Variants in PTPRS observed in about 807,000 individuals in gnomAD.
PTPRS encodes receptor-type tyrosine-protein phosphatase S.
Under a neutral mutation model 215.3 loss-of-function variants are expected in PTPRS, and 63 were observed. The ratio of observed to expected loss-of-function variants is 0.29; its 90% CI spans 0.24 to 0.36. The LOEUF (loss-of-function observed/expected upper bound fraction) is 0.36, where lower values mean the gene tolerates loss of function less well. PTPRS is among the 10% of genes least tolerant of loss of function. PTPRS has a pLI of 1.00. For synonymous variants in PTPRS, 1,404 were observed against 1,191.4 expected (o/e 1.18, Z -3.68); for missense variants, 2,258 against 2,825.8 (o/e 0.80, Z 4.56).
At chr19:5,261,578 A>G (rs962180288) in intron 6 of PTPRS, among the ~76,000 whole-genome samples, 7 of 152,158 alleles carry the variant, frequency 4.6e-5, no homozygotes, top group South Asian at 4.1e-4. Context: ...CGATAACTTG[A>G]TAACTCGGCT....
intron 30 of PTPRS, among the ~76,000 whole-genome samples, chr19:5,213,239 C>G (rs1029621187): frequency 6.6e-6 from 1 of 152,202 alleles, no homozygotes; most frequent in Non-Finnish European, 1.5e-5. Context: ...TCTGTCCTCC[C>G]TGCAGCAGCC....
rs1356407320 is a variant in PTPRS at position 5,223,076 on chromosome 19, CA to C, written c.2715del (p.Ala906ArgfsTer16). 6.4e-7 allele frequency: 1 copy of C among 1,556,534 alleles called. No homozygotes were observed. The highest frequency in any genetic ancestry group is 8.7e-7 in the Non-Finnish European group (1 of 1,151,134). The stretch of plus-strand genomic sequence containing the variant: ...CCCAGGCCGCCGCGGCTCCGGGCCG[CA>C]AGCCGGAACACATACGTGGCCCCCT... ...VHKGATYVFR[L>X]AARSRGGLGE... On this transcript the variant is annotated frameshift_variant, in exon 18 of 38. Coordinates refer to ENST00000262963, the MANE Select transcript of PTPRS (RefSeq NM_002850.4). LOFTEE classifies it high-confidence loss of function.
intron 1 of PTPRS, among the ~76,000 whole-genome samples, chr19:5,331,951 G>T (rs1169777982): frequency 6.6e-6 from 1 of 152,158 alleles, no homozygotes; most frequent in Non-Finnish European, 1.5e-5. Context: ...CGCAGAGGTG[G>T]CTGGGAGTCT....
chr19:5,248,821 A>G (rs72981098), intron 9 of PTPRS, among the ~76,000 whole-genome samples: 10,694 of 152,240 alleles, frequency 0.07, 548 homozygotes, highest in Middle Eastern at 0.13. Context: ...ATCCTCCTGG[A>G]GCCTCAGTTT....
At chr19:5,247,280 G>A (rs532685449) in intron 9 of PTPRS, among the ~76,000 whole-genome samples, 13 of 152,066 alleles carry the variant, frequency 8.5e-5, no homozygotes, top group Admixed American at 3.9e-4. Flanking sequence ...TGTTCTGTGC[G>A]TTTCTTAGCG....
At chr19:5,331,429 G>A (rs769820884) in intron 1 of PTPRS, among the ~76,000 whole-genome samples, 5 of 152,094 alleles carry the variant, frequency 3.3e-5, no homozygotes, top group Non-Finnish European at 7.4e-5. Flanking sequence ...CACCATGCCT[G>A]GCAAAATCAG....
intron 32 of PTPRS, 84 bp downstream of exon 32, chr19:5,211,881 C>T (rs564495318): frequency 1.3e-6 from 2 of 1,563,164 alleles, no homozygotes; most frequent in African/African-American, 1.3e-5. Flanking sequence ...ACCTTCTAGT[C>T]CCCATTGCTC....
rs1003437214 is a variant in PTPRS, at chr19:5,219,362, G to A, written c.3871C>T (p.Leu1291=). The stretch of plus-strand genomic sequence containing the variant: ...ATGCAGATTATGAAGACCACGGCCA[G>A]CACAGGCCCGATCACCCAGATAAGC... The part of the protein sequence containing the change: ...EGLIWVIGPV[L]AVVFIICIVI... The change falls in exon 23 of 38, where the codon CTG becomes TTG. Residue 1291 remains leucine (L), a synonymous_variant. Coordinates refer to ENST00000262963, the MANE Select transcript of PTPRS (RefSeq NM_002850.4). The A allele has an allele frequency of 6.2e-7, 1 of 1,613,976 alleles. No individual in the cohort carries two copies. The highest frequency in any genetic ancestry group is 1.1e-5 in the South Asian group (1 of 91,080).
intron 5 of PTPRS, 78 bp downstream of exon 5, chr19:5,264,930 G>GA (rs1368109527): frequency 1.1e-5 from 16 of 1,510,748 alleles, no homozygotes; most frequent in African/African-American, 1.4e-5. Context: ...GTAGTCCCCA[G>GA]AACTTGGGCC....
Position 5,244,467 on chromosome 19 carries a change from G to A in PTPRS, c.1004C>T (p.Pro335Leu). The change falls in exon 11 of 38, where the codon CCC (proline) becomes CTC (leucine). Residue 335 changes from proline (P) to leucine (L), a missense_variant. This residue lies in a region of PTPRS where 508 missense variants were observed against 799.4 expected (regional missense o/e 0.64). Coordinates refer to ENST00000262963, the MANE Select transcript of PTPRS (RefSeq NM_002850.4). This position sits in a 1 kb window ranked among gnomAD's most constrained non-coding sequence, Gnocchi z 7.2. The part of the protein sequence containing the change: ...QITVKSLPKA[P>L]GTPMVTENTA... ...GTTCTCAGTCACCATGGGAGTCCCG[G>A]GAGCTTTGGGGAGAGCTGTGGGCAG... The A allele has an allele frequency of 6.2e-7, 1 of 1,613,600 alleles. No homozygotes were observed. Among genetic ancestry groups the A allele is most frequent in the Non-Finnish European group, 8.5e-7 (1 of 1,179,682 alleles).
intron 25 of PTPRS, 120 bp from the exon 26 acceptor site, chr19:5,216,887 G>GA (rs974735644): frequency 2.6e-5 from 17 of 663,858 alleles, no homozygotes; most frequent in African/African-American, 2.4e-4. Flanking sequence ...GCGGACAACG[G>GA]GGGGTATGTA....
At chr19:5,222,642 G>GGGGGGGC in intron 18 of PTPRS, 47 bp downstream of exon 18, 7 of 1,369,330 alleles carry the variant, frequency 5.1e-6, no homozygotes, top group South Asian at 1.4e-5. Flanking sequence ...GTGGGGGTGG[G>GGGGGGGC]CGCAAGGCCC....
At chr19:5,288,621 G>C (rs913379331) in intron 1 of PTPRS, among the ~76,000 whole-genome samples, 3 of 152,204 alleles carry the variant, frequency 2.0e-5, no homozygotes, top group Non-Finnish European at 4.4e-5. Flanking sequence ...CTGAGGGGGC[G>C]AGGTCAGTCC....
At chr19:5,297,106 C>T (rs1488704636) in intron 1 of PTPRS, among the ~76,000 whole-genome samples, 2 of 152,154 alleles carry the variant, frequency 1.3e-5, no homozygotes, top group East Asian at 1.9e-4. Context: ...CCGCCTACTC[C>T]GTGCCCTTGG....
chr19:5,254,167 T>C (rs1406722194), intron 9 of PTPRS, among the ~76,000 whole-genome samples: 4 of 152,214 alleles, frequency 2.6e-5, no homozygotes, highest in African/African-American at 9.6e-5. Context: ...GAGACCCCTT[T>C]CTGCCATCTT....
At chr19:5,303,359 C>CT (rs2049364302) in intron 1 of PTPRS, among the ~76,000 whole-genome samples, 1 of 152,130 alleles carries the variant, frequency 6.6e-6, no homozygotes, top group Non-Finnish European at 1.5e-5. Flanking sequence ...GGTCCCCGTG[C>CT]ACAAGGGTGG....
intron 20 of PTPRS, 136 bp downstream of exon 20, chr19:5,220,864 C>A: frequency 1.9e-6 from 2 of 1,030,296 alleles, no homozygotes; most frequent in Admixed American, 2.4e-5. Context: ...CTTGGATGAC[C>A]CCATGAACTA....
At position 5,338,124 on chromosome 19, in the gene PTPRS, C is replaced by T. The variant is rs1261678156; in HGVS notation, c.-95+2540G>A. 6.6e-6 allele frequency among the ~76,000 whole-genome samples: 1 copy of T among 152,302 alleles called. No individual in the cohort carries two copies. Among genetic ancestry groups the T allele is most frequent in the African/African-American group, 2.4e-5 (1 of 41,582 alleles). On this transcript the variant is annotated intron_variant, in intron 1 of 37. Coordinates refer to ENST00000262963, the MANE Select transcript of PTPRS (RefSeq NM_002850.4). The surrounding 1 kb of genome is among the most constrained non-coding windows in gnomAD (Gnocchi z 4.2). ...CTCCCGCGGGGAGTGGGGAGCGGGC[C>T]AGTCCACCGCCTCTTGGGACGGCAT...
chr19:5,249,083 G>C (rs533750283), intron 9 of PTPRS, among the ~76,000 whole-genome samples: 33 of 152,358 alleles, frequency 2.2e-4, no homozygotes, highest in Admixed American at 1.3e-3. Flanking sequence ...GGCTGTGGCA[G>C]GTGGATCACC....
Sources: allele counts gnomAD v4.1 joint callset (sites outside exome capture counted in the v4.1 genomes callset), GRCh38; gene constraint gnomAD v4.1.1; regional missense constraint gnomAD v4.1.1; non-coding constraint Gnocchi (gnomAD v3.1); transcripts MANE v1.5; gene names NCBI Gene and HGNC (gene_info 2026-07-23, HGNC 2026-07-21).